RANBP2: variants seen among roughly 807,000 people sequenced by gnomAD.
The protein encoded by RANBP2 is E3 SUMO-protein ligase RanBP2.
A neutral mutation model predicts 303.6 loss-of-function variants in RANBP2; 57 were observed. The observed-to-expected ratio is 0.19, with a 90% CI of 0.15 to 0.23. RANBP2 has a LOEUF of 0.23. Ranked by LOEUF, RANBP2 falls within the 10% of genes least tolerant of loss-of-function variation. The probability of loss-of-function intolerance (pLI) is 1.00; values close to 1 mark genes in which losing one functional copy is unlikely to be tolerated. For missense variants in RANBP2, 3,138 were observed against 3,780.8 expected, an observed-to-expected ratio of 0.83 and a Z score of 4.46; for synonymous variants, 1,167 against 1,301.5, an observed-to-expected ratio of 0.90 and a Z score of 2.23.
chr2:109,357,640 G>C, the RANBP2 span, among the ~76,000 whole-genome samples: 1 of 152,118 alleles, frequency 6.6e-6, no homozygotes, highest in Non-Finnish European at 1.5e-5. Context: ...ATTTATTTTT[G>C]TGTCCAACTT....
At chr2:108,997,466 T>C in the RANBP2 span, among the ~76,000 whole-genome samples, 7 of 53,124 alleles carry the variant, frequency 1.3e-4, no homozygotes, top group African/African-American at 4.4e-4. Flanking sequence ...AAAAAAAAGA[T>C]GATGGTCAGT....
At chr2:109,449,102 C>A in the RANBP2 span, 1 of 1,516,964 alleles carries the variant, frequency 6.6e-7, no homozygotes. Flanking sequence ...TGCATTGCAG[C>A]TGCCTGGCAG....
chr2:108,741,463 T>C (rs1017252227), intron 7 of RANBP2, among the ~76,000 whole-genome samples: 1 of 146,362 alleles, frequency 6.8e-6, no homozygotes, highest in African/African-American at 2.5e-5. Context: ...CCCAAAGTGC[T>C]GGGATTACAG....
At chr2:109,392,052 G>A in the RANBP2 span, among the ~76,000 whole-genome samples, 1 of 152,052 alleles carries the variant, frequency 6.6e-6, no homozygotes, top group East Asian at 1.9e-4. Flanking sequence ...CTGGACTCAA[G>A]CAGTCAGCCT....
At chr2:108,746,874 T>C (rs1458036346) in intron 8 of RANBP2, 76 bp downstream of exon 8, 1 of 611,230 alleles carries the variant, frequency 1.6e-6, no homozygotes, top group Non-Finnish European at 3.0e-6. Flanking sequence ...TGATAAAATC[T>C]TCATCTGTCC....
the RANBP2 span, among the ~76,000 whole-genome samples, chr2:109,513,644 A>G: frequency 3.9e-5 from 6 of 152,196 alleles, no homozygotes; most frequent in African/African-American, 1.4e-4. Context: ...GCACATTTGC[A>G]CACACACCCT....
chr2:109,640,744 C>T, the RANBP2 span, among the ~76,000 whole-genome samples: 1 of 152,168 alleles, frequency 6.6e-6, no homozygotes, highest in Non-Finnish European at 1.5e-5. Flanking sequence ...CTCTGTCTTC[C>T]TTCTGTCTGA....
At chr2:109,511,366 C>T in the RANBP2 span, among the ~76,000 whole-genome samples, 5 of 152,212 alleles carry the variant, frequency 3.3e-5, no homozygotes, top group African/African-American at 1.2e-4. Context: ...CCCAGTATAC[C>T]ACATGCCCCC....
chr2:109,505,865 G>T, the RANBP2 span, among the ~76,000 whole-genome samples: 1 of 152,142 alleles, frequency 6.6e-6, no homozygotes, highest in Non-Finnish European at 1.5e-5. Context: ...GAAGAGGAGA[G>T]CCAGAGGAAA....
the RANBP2 span, among the ~76,000 whole-genome samples, chr2:109,197,894 G>A: frequency 1.3e-5 from 2 of 152,342 alleles, no homozygotes; most frequent in East Asian, 1.9e-4. Flanking sequence ...CTTGCCTTTT[G>A]CATCAAATCC....
the RANBP2 span, among the ~76,000 whole-genome samples, chr2:108,836,080 C>G: frequency 2.0e-5 from 3 of 152,184 alleles, no homozygotes; most frequent in African/African-American, 7.2e-5. Flanking sequence ...CCTCTCAACA[C>G]TGATGTTTTG....
At chr2:109,267,830 G>A in the RANBP2 span, among the ~76,000 whole-genome samples, 4,028 of 152,298 alleles carry the variant, frequency 0.026, 85 homozygotes, top group South Asian at 0.066. Context: ...CTGTGGTCGG[G>A]CAATGGGGCC....
At chr2:109,191,170 A>G in the RANBP2 span, among the ~76,000 whole-genome samples, 2 of 152,134 alleles carry the variant, frequency 1.3e-5, no homozygotes, top group Middle Eastern at 3.2e-3. Context: ...CGTGCTATCA[A>G]CCGGGTAGGA....
chr2:109,490,822 A>G, the RANBP2 span: 1 of 1,536,974 alleles, frequency 6.5e-7, no homozygotes, highest in South Asian at 1.2e-5. Flanking sequence ...ATGGGGATGG[A>G]GCCTCTGCAC....
downstream of RANBP2, chr2:108,788,952 C>G: frequency 1.2e-6 from 2 of 1,613,910 alleles, no homozygotes; most frequent in Non-Finnish European, 1.7e-6. Context: ...TATTCAAGCA[C>G]GTAAATGTGA....
the RANBP2 span, among the ~76,000 whole-genome samples, chr2:109,621,148 G>A: frequency 6.6e-6 from 1 of 152,134 alleles, no homozygotes; most frequent in South Asian, 2.1e-4. Context: ...TAAGTTGTTG[G>A]TTTGTTGTTG....
the RANBP2 span, among the ~76,000 whole-genome samples, chr2:109,420,385 G>T: frequency 6.6e-6 from 1 of 152,182 alleles, no homozygotes; most frequent in Admixed American, 6.5e-5. Context: ...ACGTCAGAGG[G>T]ACACTCAGAA....
the RANBP2 span, among the ~76,000 whole-genome samples, chr2:109,087,635 G>A: frequency 6.6e-6 from 1 of 152,160 alleles, no homozygotes; most frequent in Non-Finnish European, 1.5e-5. Flanking sequence ...GCAAATTACT[G>A]AACCTCTCTG....
chr2:109,572,609 CTTTTT>C, the RANBP2 span, among the ~76,000 whole-genome samples: 9 of 111,220 alleles, frequency 8.1e-5, no homozygotes, highest in Admixed American at 4.0e-4. Context: ...TTTAAAACAA[CTTTTT>C]TTTTTTTTTT....
Sources: allele counts gnomAD v4.1 joint callset (sites outside exome capture counted in the v4.1 genomes callset), GRCh38; gene constraint gnomAD v4.1.1; transcripts MANE v1.5; gene names NCBI Gene and HGNC (gene_info 2026-07-23, HGNC 2026-07-21).